SLC12A7: variants seen among roughly 807,000 people sequenced by gnomAD.
SLC12A7 encodes K-Cl cotransporter 4.
In SLC12A7, 100 loss-of-function variants were observed where a neutral mutation model predicts 120.6. The observed-to-expected ratio is 0.83, with a 90% CI of 0.71 to 0.98. The LOEUF is 0.98. Ranked by LOEUF, SLC12A7 falls within the 50% of genes least tolerant of loss-of-function variation. The probability of loss-of-function intolerance (pLI) is 0.00; values close to 1 mark genes in which losing one functional copy is unlikely to be tolerated. For synonymous variants in SLC12A7, 760 were observed against 678.0 expected, an observed-to-expected ratio of 1.12 and a Z score of -1.88; for missense variants, 1,373 against 1,548.1, an observed-to-expected ratio of 0.89 and a Z score of 1.90.
chr5:1,086,813 CTGTG>C, intron 6 of SLC12A7, 86 bp downstream of exon 6: 1 of 1,525,062 alleles, frequency 6.6e-7, no homozygotes, highest in Non-Finnish European at 8.9e-7. Context: ...GCTCAGTGTG[CTGTG>C]TGTGCCACAG....
chr5:1,136,165 C>T, the SLC12A7 span, among the ~76,000 whole-genome samples: 1 of 152,188 alleles, frequency 6.6e-6, no homozygotes, highest in Non-Finnish European at 1.5e-5. Flanking sequence ...GTCTCTGCTC[C>T]TGCAGGCACT....
intron 5 of SLC12A7, among the ~76,000 whole-genome samples, 166 bp downstream of exon 5, chr5:1,088,140 G>A (rs565174458): frequency 1.3e-5 from 2 of 152,208 alleles, no homozygotes; most frequent in African/African-American, 4.8e-5. Flanking sequence ...GTGACCTCAC[G>A]GCTCAAACGC....
intron 1 of SLC12A7, among the ~76,000 whole-genome samples, chr5:1,096,665 G>T: frequency 7.4e-6 from 1 of 135,314 alleles, no homozygotes; most frequent in Admixed American, 7.4e-5. Context: ...TAGAGGGAGG[G>T]AGGGAAGGAA....
chr5:1,080,461 A>G (rs1738916354), intron 9 of SLC12A7, among the ~76,000 whole-genome samples: 1 of 152,168 alleles, frequency 6.6e-6, no homozygotes, highest in Non-Finnish European at 1.5e-5. Context: ...GAAACACGAG[A>G]AGCCAGCGCT....
chr5:1,143,178 A>G, the SLC12A7 span, among the ~76,000 whole-genome samples: 1 of 152,222 alleles, frequency 6.6e-6, no homozygotes, highest in South Asian at 2.1e-4. Flanking sequence ...GGCATTTCCC[A>G]AGACCGGAGC....
At chr5:1,054,673 CAGAGGCCGCCCATGCAGGGTCATGG>C (rs1735421066) in intron 22 of SLC12A7, among the ~76,000 whole-genome samples, 2 of 152,348 alleles carry the variant, frequency 1.3e-5, no homozygotes, top group African/African-American at 4.8e-5. Flanking sequence ...GGCGGACAGA[CAGAGGCCGCCCATGCAGGGTCATGG>C]AGAGGCCCCA....
At chr5:1,098,699 A>G (rs34713852) in intron 1 of SLC12A7, among the ~76,000 whole-genome samples, 9 of 11,356 alleles carry the variant, frequency 7.9e-4, no homozygotes, top group Non-Finnish European at 8.8e-4. Context: ...CCCTCTGCAC[A>G]CCCAGCCCCC....
the SLC12A7 span, among the ~76,000 whole-genome samples, chr5:1,150,003 C>A: frequency 1.4e-4 from 21 of 152,164 alleles, no homozygotes; most frequent in Non-Finnish European, 3.1e-4. Flanking sequence ...GCACTCCAGC[C>A]TGGGCAACGA....
intron 1 of SLC12A7, among the ~76,000 whole-genome samples, chr5:1,108,164 G>T (rs923724756): frequency 1.3e-5 from 2 of 152,228 alleles, no homozygotes; most frequent in Non-Finnish European, 2.9e-5. Context: ...ACACCTGCAC[G>T]CTCACAAGGC....
chr5:1,078,129 G>A (rs1221553169), intron 11 of SLC12A7, 122 bp from the exon 12 acceptor site: 14 of 1,228,996 alleles, frequency 1.1e-5, no homozygotes, highest in Non-Finnish European at 1.1e-6. Flanking sequence ...GGAAAGCTGA[G>A]GCCCGGCCTC....
chr5:1,073,889 C>T (rs372394348), intron 16 of SLC12A7, 88 bp from the exon 17 acceptor site: 50 of 1,239,414 alleles, frequency 4.0e-5, no homozygotes, highest in African/African-American at 7.7e-5. Flanking sequence ...ACGGGCGGGG[C>T]ACACGACACA....
At chr5:1,079,256 G>T in intron 10 of SLC12A7, 142 bp downstream of exon 10, 1 of 661,934 alleles carries the variant, frequency 1.5e-6, no homozygotes. Flanking sequence ...CCGTCTCCCA[G>T]GGAGGATGAC....
At chr5:1,154,396 CACAT>C in the SLC12A7 span, among the ~76,000 whole-genome samples, 1 of 144,896 alleles carries the variant, frequency 6.9e-6, no homozygotes, top group South Asian at 2.2e-4. Context: ...CACACAGAGA[CACAT>C]ACAATGCACC....
At position 1,088,247 on chromosome 5, in the gene SLC12A7, C is replaced by T. The variant is rs542276390; in HGVS notation, c.544+59G>A. 1.2e-3 allele frequency: 1,783 copies of T among 1,531,998 alleles called. 8 individuals are homozygous for T. Among genetic ancestry groups the T allele is most frequent in the Middle Eastern group, 2.9e-3 (17 of 5,920 alleles). 94.9% of individuals were successfully genotyped at this position (1,531,998 alleles called of 1,614,324 possible). On this transcript the variant is annotated intron_variant, in intron 5 of 23. Coordinates refer to ENST00000264930, the MANE Select transcript of SLC12A7 (RefSeq NM_006598.3). ...AAGCGGCCTCCTCGCGGTTGCCGTG[C>T]GGCAAAACACAGACTCCTCTAACAG...
Position 1,050,545 on chromosome 5 carries a change from G to A in SLC12A7, c.*1815C>T, listed in dbSNP as rs1407029857. On this transcript the variant is annotated 3_prime_UTR_variant, in exon 24 of 24. Transcript: ENST00000264930. ...GTGCAGAGGCTGCAGCCCAGGGCGG[G>A]GGCAGAGCTGAGCCCTCAGGAGGTG... is the stretch of plus-strand genomic sequence containing the variant. 1.4e-5 allele frequency: 4 copies of A among 284,002 alleles called. No homozygotes were observed. In the East Asian group the frequency reaches 2.3e-4, roughly 17 times the overall value. The allele number at this position is 284,002 out of a possible 1,614,324, so 17.6% of individuals were successfully genotyped here.
chr5:1,096,540 C>T (rs1017997872), intron 1 of SLC12A7, among the ~76,000 whole-genome samples: 1 of 151,704 alleles, frequency 6.6e-6, no homozygotes, highest in Non-Finnish European at 1.5e-5. Context: ...GATTCCTGCT[C>T]AGGCCCTTTT....
chr5:1,051,220 G>A lies in SLC12A7; in HGVS notation c.*1140C>T, dbSNP rs1734998941. On this transcript the variant is annotated 3_prime_UTR_variant, in exon 24 of 24. Transcript: ENST00000264930. ...CACCGCCGCCTCCATGCAAGGCACA[G>A]GCCATGGCAGGGGACGCCCGGGACT... 3.1e-6 allele frequency: 1 copy of A among 320,464 alleles called. No homozygotes were observed. Among genetic ancestry groups the A allele is most frequent in the South Asian group, 1.6e-4 (1 of 6,298 alleles). 19.9% of individuals were successfully genotyped at this position (320,464 alleles called of 1,614,324 possible). A position where few individuals can be genotyped will look rare whatever the true frequency, so the allele number is the denominator to read the frequency against.
upstream of SLC12A7, among the ~76,000 whole-genome samples, chr5:1,114,093 A>G (rs1016548659): frequency 1.3e-5 from 2 of 152,158 alleles, no homozygotes; most frequent in South Asian, 2.1e-4. Context: ...CGGACTCAGG[A>G]CTCATCAGCT....
chr5:1,117,360 CA>C, the SLC12A7 span, among the ~76,000 whole-genome samples: 1 of 152,198 alleles, frequency 6.6e-6, no homozygotes, highest in African/African-American at 2.4e-5. This position sits in a 1 kb window ranked among gnomAD's most constrained non-coding sequence, Gnocchi z 4.5. Flanking sequence ...TTCTGACCTC[CA>C]AGCTGTCCTT....
Sources: allele counts gnomAD v4.1 joint callset (sites outside exome capture counted in the v4.1 genomes callset), GRCh38; gene constraint gnomAD v4.1.1; non-coding constraint Gnocchi (gnomAD v3.1); transcripts MANE v1.5; gene names NCBI Gene and HGNC (gene_info 2026-07-23, HGNC 2026-07-21).